ARHGEF18: variants seen among roughly 807,000 people sequenced by gnomAD.
The protein encoded by ARHGEF18 is rho guanine nucleotide exchange factor 18.
In ARHGEF18, 93 loss-of-function variants were observed where a neutral mutation model predicts 155.7. That is an observed-to-expected ratio of 0.60 (90% CI 0.50 to 0.71). The LOEUF (loss-of-function observed/expected upper bound fraction) is 0.71, where lower values mean the gene tolerates loss of function less well. Among genes scored for constraint, ARHGEF18 ranks in the 30% least tolerant of loss-of-function variants. The pLI, the probability that ARHGEF18 is intolerant of heterozygous loss-of-function variation, is 0.00. For synonymous variants in ARHGEF18, 742 were observed against 753.1 expected (o/e 0.99, Z 0.24); for missense variants, 1,593 against 1,816.1 (o/e 0.88, Z 2.23).
chr19:7,372,528 G>A (rs1049384076), intron 2 of ARHGEF18, among the ~76,000 whole-genome samples: 3 of 152,180 alleles, frequency 2.0e-5, no homozygotes, highest in African/African-American at 7.2e-5. Flanking sequence ...GACGAGAAGT[G>A]CTTTGCCAAG....
intron 10 of ARHGEF18, among the ~76,000 whole-genome samples, chr19:7,404,365 T>A (rs1972181852): frequency 1.3e-5 from 2 of 151,296 alleles, no homozygotes; most frequent in Admixed American, 6.6e-5. Flanking sequence ...CTGATCTGGA[T>A]AACAGTTGTC....
intron 10 of ARHGEF18, among the ~76,000 whole-genome samples, chr19:7,396,596 T>A (rs1971722944): frequency 6.6e-6 from 1 of 152,040 alleles, no homozygotes; most frequent in African/African-American, 2.4e-5. Flanking sequence ...GCGCCTGTAG[T>A]TCCAGCTACT....
intron 1 of ARHGEF18, among the ~76,000 whole-genome samples, chr19:7,351,704 C>CT (rs1206690292): frequency 0.011 from 89 of 7,824 alleles, no homozygotes; most frequent in African/African-American, 0.019. Context: ...CTCTCTCTCT[C>CT]TTTTTTTTTT....
chr19:7,440,107 G>A lies in ARHGEF18; in HGVS notation c.968-237G>A, dbSNP rs1974532175. On this transcript the variant is annotated intron_variant, in intron 10 of 28. Transcript: ENST00000668164. The surrounding 1 kb of genome is among the most constrained non-coding windows in gnomAD (Gnocchi z 5.4). ...CCCGGAGCCCCGGGCGCGAACATGG[G>A]GAATGCGCACTCCAAAAGCGGGGAC... is the stretch of plus-strand genomic sequence containing the variant. 1 of 1,550,752 alleles carries A rather than the reference G, an allele frequency of 6.4e-7. No homozygotes were observed. Among genetic ancestry groups the A allele is most frequent in the Non-Finnish European group, 8.7e-7 (1 of 1,146,764 alleles).
At chr19:7,357,311 C>T (rs1290891637) in intron 1 of ARHGEF18, among the ~76,000 whole-genome samples, 1 of 152,206 alleles carries the variant, frequency 6.6e-6, no homozygotes, top group African/African-American at 2.4e-5. Context: ...CTGCCTGTGA[C>T]CCAGGTCCCT....
Position 7,467,576 on chromosome 19 carries a change from C to A in ARHGEF18, c.3372C>A (p.Arg1124=). 1 of 1,499,142 alleles carries A rather than the reference C, an allele frequency of 6.7e-7. No individual in the cohort carries two copies. Among genetic ancestry groups the A allele is most frequent in the Non-Finnish European group, 8.8e-7 (1 of 1,132,530 alleles). 92.9% of individuals were successfully genotyped at this position (1,499,142 alleles called of 1,614,324 possible). ...ACCAGCACGACCTGGAGCGGCTGCG[C>A]GAGGCCCAGCGTGCCGTGGAGCGCG... ...QAYQHDLERL[R]EAQRAVERER... is the part of the protein sequence containing the mutation. Residue 1124 remains arginine, a synonymous_variant, in exon 26 of 29, where the codon CGC becomes CGA. Coordinates refer to ENST00000668164, the MANE Select transcript of ARHGEF18 (RefSeq NM_001367823.1).
intron 10 of ARHGEF18, among the ~76,000 whole-genome samples, chr19:7,386,383 C>T (rs1203475593): frequency 2.0e-5 from 3 of 151,888 alleles, no homozygotes; most frequent in Non-Finnish European, 2.9e-5. Context: ...AAGCATCCAT[C>T]GTCTTCACCC....
At chr19:7,424,020 ATTTAC>A (rs1177418457) in intron 10 of ARHGEF18, among the ~76,000 whole-genome samples, 2 of 151,468 alleles carry the variant, frequency 1.3e-5, no homozygotes, top group African/African-American at 4.9e-5. Context: ...TTTTTATGTT[ATTTAC>A]TTATTTATTT....
rs1178037188 is a variant in ARHGEF18 at position 7,383,061 on chromosome 19, G to A, written c.826-1G>A. On this transcript the variant is annotated splice_acceptor_variant, in intron 9 of 28. Coordinates refer to ENST00000668164, the MANE Select transcript of ARHGEF18 (RefSeq NM_001367823.1). LOFTEE classifies it high-confidence loss of function. ...CTGAGACCCACCTCTGTCCCATCCAGGGGAAGAGCCCAGCACATCTGAAGG... is the reference window on the plus strand; with the variant it reads ...CTGAGACCCACCTCTGTCCCATCCAAGGGAAGAGCCCAGCACATCTGAAGG... The A allele has an allele frequency of 2.0e-5, 25 of 1,232,444 alleles. No homozygotes were observed. In the East Asian group the frequency reaches 2.5e-4, roughly 12 times the overall value. The allele number at this position is 1,232,444 out of a possible 1,614,324, so 76.3% of individuals were successfully genotyped here. A position where few individuals can be genotyped will look rare whatever the true frequency, so the allele number is the denominator to read the frequency against.
chr19:7,349,967 C>T (rs890190325), intron 1 of ARHGEF18, among the ~76,000 whole-genome samples: 1 of 152,158 alleles, frequency 6.6e-6, no homozygotes, highest in African/African-American at 2.4e-5. Flanking sequence ...GGCTGACAAC[C>T]AGCCCTGAGA....
intron 26 of ARHGEF18, among the ~76,000 whole-genome samples, 166 bp downstream of exon 26, chr19:7,467,850 C>G (rs772979072): frequency 2.6e-5 from 4 of 152,202 alleles, no homozygotes; most frequent in Non-Finnish European, 5.9e-5. Flanking sequence ...CAGTACAGAC[C>G]TTTCTCGGAG....
intron 22 of ARHGEF18, 111 bp from the exon 23 acceptor site, chr19:7,464,449 T>G: frequency 7.3e-7 from 1 of 1,378,642 alleles, no homozygotes; most frequent in Non-Finnish European, 9.9e-7. Context: ...GACGCCACCA[T>G]TCGGGCCTAG....
At chr19:7,392,356 G>C (rs1417660439) in intron 10 of ARHGEF18, among the ~76,000 whole-genome samples, 2 of 151,888 alleles carry the variant, frequency 1.3e-5, no homozygotes, top group Non-Finnish European at 2.9e-5. Flanking sequence ...TCTATGTTTA[G>C]GGGAGGGCTG....
chr19:7,385,109 G>A (rs1235155470), intron 10 of ARHGEF18, among the ~76,000 whole-genome samples: 1 of 152,210 alleles, frequency 6.6e-6, no homozygotes, highest in African/African-American at 2.4e-5. Context: ...GGGATGAGCT[G>A]TGCTCAGTCT....
At chr19:7,369,005 T>C (rs1269357522) in intron 2 of ARHGEF18, among the ~76,000 whole-genome samples, 1 of 152,118 alleles carries the variant, frequency 6.6e-6, no homozygotes. Context: ...AGGCAGGCTG[T>C]GGAAACAGCA....
rs1976412882 is a variant in ARHGEF18 at position 7,463,444 on chromosome 19, A to G, written c.2636-374A>G. ...ATGGCCATTGTCACACAATCAGTGT[A>G]TGGTCATTGTCATATAACACACCAA... On this transcript the variant is annotated intron_variant, in intron 21 of 28. Transcript: ENST00000668164. This position sits in a 1 kb window ranked among gnomAD's most constrained non-coding sequence, Gnocchi z 5.2. Among the ~76,000 whole-genome samples, 2 of 152,152 alleles carry G rather than the reference A, an allele frequency of 1.3e-5. No individual in the cohort carries two copies. Among genetic ancestry groups the G allele is most frequent in the Admixed American group, 6.5e-5 (1 of 15,282 alleles).
At chr19:7,375,378 AAAGAAAAGG>A (rs148126020) in intron 3 of ARHGEF18, among the ~76,000 whole-genome samples, 4 of 122,418 alleles carry the variant, frequency 3.3e-5, no homozygotes, top group Non-Finnish European at 7.4e-5. Context: ...AGGAAGGAAG[AAAGAAAAGG>A]AAGGAAGGAA....
At chr19:7,424,009 G>A (rs1002712283) in intron 10 of ARHGEF18, among the ~76,000 whole-genome samples, 9 of 151,918 alleles carry the variant, frequency 5.9e-5, no homozygotes, top group African/African-American at 2.2e-4. Context: ...CCACTTTGAG[G>A]TTTTTATGTT....
At chr19:7,399,606 G>A (rs1305478855) in intron 10 of ARHGEF18, among the ~76,000 whole-genome samples, 7 of 151,064 alleles carry the variant, frequency 4.6e-5, no homozygotes, top group Admixed American at 3.3e-4. Context: ...TCAGCCTACC[G>A]AGTAGCTGGG....
Sources: allele counts gnomAD v4.1 joint callset (sites outside exome capture counted in the v4.1 genomes callset), GRCh38; gene constraint gnomAD v4.1.1; non-coding constraint Gnocchi (gnomAD v3.1); transcripts MANE v1.5; gene names NCBI Gene and HGNC (gene_info 2026-07-23, HGNC 2026-07-21).